The following WDR64 variants were observed in gnomAD, a reference collection of about 807,000 sequenced individuals.
The protein encoded by WDR64 is WD repeat-containing protein 64.
WDR64 carries 112 observed loss-of-function variants against 139.3 expected under a neutral mutation model. The ratio of observed to expected loss-of-function variants is 0.80; its 90% CI spans 0.69 to 0.94. The LOEUF is 0.94. WDR64 is among the 40% of genes least tolerant of loss of function. The pLI is 0.00. For missense variants in WDR64, 1,206 were observed against 1,293.1 expected (o/e 0.93, Z 1.03); for synonymous variants, 444 against 437.7 (o/e 1.01, Z -0.18).
intron 1 of WDR64, among the ~76,000 whole-genome samples, chr1:241,655,678 C>A (rs12723036): frequency 6.8e-6 from 1 of 147,040 alleles, no homozygotes; most frequent in Admixed American, 7.0e-5. Context: ...ATGTCATTCC[C>A]CAATATGGAG....
chr1:241,661,266 C>T (rs1665822295), intron 2 of WDR64, among the ~76,000 whole-genome samples: 1 of 151,610 alleles, frequency 6.6e-6, no homozygotes, highest in Non-Finnish European at 1.5e-5. Flanking sequence ...GAATTTAAAC[C>T]TAAGACACAG....
At chr1:241,707,236 CA>C (rs1378552260) in intron 8 of WDR64, among the ~76,000 whole-genome samples, 1 of 152,158 alleles carries the variant, frequency 6.6e-6, no homozygotes, top group African/African-American at 2.4e-5. Flanking sequence ...AGCTGGCACT[CA>C]TAAATGTTGT....
At chr1:241,787,194 A>G (rs1659065774) in intron 23 of WDR64, among the ~76,000 whole-genome samples, 1 of 107,500 alleles carries the variant, frequency 9.3e-6, no homozygotes, top group South Asian at 3.5e-4. Flanking sequence ...CTCTACTAAA[A>G]ATACAAAAAA....
chr1:241,769,719 G>C (rs1347754677), intron 17 of WDR64, among the ~76,000 whole-genome samples: 1 of 152,224 alleles, frequency 6.6e-6, no homozygotes, highest in Non-Finnish European at 1.5e-5. Context: ...TTGGAGGTGA[G>C]GTTCTCCTCA....
At chr1:241,783,201 AT>A in intron 22 of WDR64, 70 bp from the exon 23 acceptor site, 1 of 1,329,924 alleles carries the variant, frequency 7.5e-7, no homozygotes, top group Admixed American at 1.9e-5. Context: ...ATGAGAAATG[AT>A]TTTGTTGAAG....
intron 8 of WDR64, among the ~76,000 whole-genome samples, chr1:241,694,939 C>G (rs1334244188): frequency 1.3e-5 from 2 of 152,176 alleles, no homozygotes; most frequent in African/African-American, 2.4e-5. Flanking sequence ...CGACCCCTGC[C>G]TCTACATGCT....
At chr1:241,749,435 T>C (rs981911865) in intron 13 of WDR64, 112 bp from the exon 14 acceptor site, 8 of 1,257,758 alleles carry the variant, frequency 6.4e-6, no homozygotes, top group Admixed American at 4.3e-5. Flanking sequence ...GGAATAAATA[T>C]AGGATAAATT....
chr1:241,737,017 C>G (rs2148233769), intron 10 of WDR64, among the ~76,000 whole-genome samples: 1 of 152,282 alleles, frequency 6.6e-6, no homozygotes, highest in East Asian at 1.9e-4. Flanking sequence ...CATAGAAACA[C>G]ATTTTTTGGT....
intron 1 of WDR64, among the ~76,000 whole-genome samples, chr1:241,655,700 CTTTTCT>C (rs564002147): frequency 7.1e-5 from 3 of 42,114 alleles, no homozygotes; most frequent in African/African-American, 1.3e-4. Context: ...GCCTTTTTTT[CTTTTCT>C]TTTTTTTTTT....
At chr1:241,690,379 G>A (rs1202263183) in intron 8 of WDR64, among the ~76,000 whole-genome samples, 1 of 151,950 alleles carries the variant, frequency 6.6e-6, no homozygotes, top group Non-Finnish European at 1.5e-5. Context: ...GCTGAGGCAG[G>A]AGAATTGCTT....
At position 241,744,396 on chromosome 1, in the gene WDR64, T is replaced by C. The variant is rs1391940886; in HGVS notation, c.1474T>C (p.Trp492Arg). Residue 492 changes from tryptophan (W) to arginine (R), a missense_variant, in exon 13 of 28, where the codon TGG becomes CGG. Physicochemically the swap from Trp to Arg is moderately radical, Grantham distance 101. Transcript: ENST00000437684. ...TICSESIIRV[W>R]ELETGLQVYQ... is the part of the protein sequence containing the mutation. ...ATATTTTCGTTCTTTCCCATAGGTATGGGAACTCGAGACTGGGCTCCAAGT... is the reference window on the plus strand; with the variant it reads ...ATATTTTCGTTCTTTCCCATAGGTACGGGAACTCGAGACTGGGCTCCAAGT... 1.9e-6 allele frequency: 3 copies of C among 1,614,012 alleles called. No homozygotes were observed. The highest frequency in any genetic ancestry group is 1.7e-6 in the Non-Finnish European group (2 of 1,180,006).
In WDR64 at chr1:241,766,289, A is replaced by T. The variant is rs1478136399; in HGVS notation, c.2019A>T (p.Ala673=). ...AAGTAGAAGGATATAATTTGATAGC[A>T]GCTGGAACCTTAAATGGTGTGATCA... ...LLQVEGYNLI[A]AGTLNGVIIL... is the part of the protein sequence containing the mutation. Residue 673 remains alanine, a synonymous_variant, in exon 16 of 28, where the codon GCA becomes GCT. Coordinates refer to ENST00000437684, the MANE Select transcript of WDR64 (RefSeq NM_001367482.1). The T allele has an allele frequency of 1.9e-6, 3 of 1,614,192 alleles. No individual in the cohort carries two copies. The South Asian group carries it at 3.3e-5, about 18-fold the overall frequency.
At chr1:241,790,559 G>A (rs1428608688) in intron 24 of WDR64, 32 bp from the exon 25 acceptor site, 35 of 1,516,156 alleles carry the variant, frequency 2.3e-5, no homozygotes, top group Non-Finnish European at 3.2e-5. Flanking sequence ...AAAGGTATGG[G>A]TATGTACTTA....
intron 19 of WDR64, 83 bp downstream of exon 19, chr1:241,771,780 A>G: frequency 1.2e-6 from 1 of 800,464 alleles, no homozygotes; most frequent in Non-Finnish European, 1.8e-6. Flanking sequence ...ATTCTTAATG[A>G]ATATATATAT....
intron 6 of WDR64, among the ~76,000 whole-genome samples, chr1:241,680,453 C>G (rs796532169): frequency 2.0e-5 from 3 of 152,228 alleles, no homozygotes; most frequent in African/African-American, 7.2e-5. Context: ...ATTTCCAAAC[C>G]CCTAAACTCC....
intron 2 of WDR64, among the ~76,000 whole-genome samples, chr1:241,666,912 C>T (rs1359119285): frequency 6.6e-6 from 1 of 152,180 alleles, no homozygotes; most frequent in African/African-American, 2.4e-5. Flanking sequence ...GGTCATGTGA[C>T]TAGTAGACAG....
chr1:241,702,013 A>G (rs540159170), intron 8 of WDR64, among the ~76,000 whole-genome samples: 1 of 152,346 alleles, frequency 6.6e-6, no homozygotes, highest in East Asian at 1.9e-4. Context: ...AGAAGTGATT[A>G]CCATTCTGTT....
chr1:241,671,980 G>T (rs1267038827), intron 3 of WDR64, among the ~76,000 whole-genome samples: 1 of 152,144 alleles, frequency 6.6e-6, no homozygotes, highest in Non-Finnish European at 1.5e-5. Flanking sequence ...TTCGAGACCA[G>T]CCTGGCCAAC....
At position 241,661,998 on chromosome 1, in the gene WDR64, G is replaced by A. The variant is rs549415951; in HGVS notation, c.276+1338G>A. On this transcript the variant is annotated intron_variant, in intron 2 of 27. Coordinates refer to ENST00000437684, the MANE Select transcript of WDR64 (RefSeq NM_001367482.1). ...AAATATTTACTACCTAGCCCTTTTC[G>A]AAAAATGTTTGCAGACTTCCAACCT... is the stretch of plus-strand genomic sequence containing the variant. Among the ~76,000 whole-genome samples, 528 of 152,134 alleles carry A rather than the reference G, an allele frequency of 3.5e-3. 3 individuals are homozygous for A. Among genetic ancestry groups the A allele is most frequent in the African/African-American group, 0.012 (496 of 41,502 alleles).
Sources: allele counts gnomAD v4.1 joint callset (sites outside exome capture counted in the v4.1 genomes callset), GRCh38; gene constraint gnomAD v4.1.1; transcripts MANE v1.5; gene names NCBI Gene and HGNC (gene_info 2026-07-23, HGNC 2026-07-21).